SDK1: variants seen among roughly 807,000 people sequenced by gnomAD.
The protein encoded by SDK1 is sidekick cell adhesion molecule 1, also known as protein sidekick-1.
A neutral mutation model predicts 245.5 loss-of-function variants in SDK1; 157 were observed. That is an observed-to-expected ratio of 0.64 (90% confidence interval 0.56 to 0.73). SDK1 has a LOEUF of 0.73. SDK1 is among the 30% of genes least tolerant of loss of function. The pLI, the probability that SDK1 is intolerant of heterozygous loss-of-function variation, is 0.00. For synonymous variants in SDK1, 1,647 were observed against 1,278.5 expected, an observed-to-expected ratio of 1.29 and a Z score of -6.15; for missense variants, 3,583 against 3,002.3, an observed-to-expected ratio of 1.19 and a Z score of -4.52.
chr7:3,707,408 A>G (rs1222960146), intron 4 of SDK1, among the ~76,000 whole-genome samples: 1 of 152,230 alleles, frequency 6.6e-6, no homozygotes, highest in East Asian at 1.9e-4. Flanking sequence ...TTCTGATCAG[A>G]GAAAATACTT....
chr7:4,134,021 C>G (rs1265951256), intron 28 of SDK1, among the ~76,000 whole-genome samples: 1 of 152,162 alleles, frequency 6.6e-6, no homozygotes, highest in Non-Finnish European at 1.5e-5. Flanking sequence ...GGAATTCATC[C>G]AAGGTCTTTG....
At chr7:3,833,030 C>G (rs1215308849) in intron 5 of SDK1, among the ~76,000 whole-genome samples, 1 of 152,022 alleles carries the variant, frequency 6.6e-6, no homozygotes, top group African/African-American at 2.4e-5. Flanking sequence ...AAAATGTGAG[C>G]TGGGAATTCC....
At chr7:3,557,515 G>A (rs1177789554) in intron 1 of SDK1, among the ~76,000 whole-genome samples, 1 of 152,158 alleles carries the variant, frequency 6.6e-6, no homozygotes, top group African/African-American at 2.4e-5. Flanking sequence ...TGTGGTGATG[G>A]ACACAGGAAC....
chr7:3,563,635 T>C (rs958983901), intron 1 of SDK1, among the ~76,000 whole-genome samples: 2 of 152,158 alleles, frequency 1.3e-5, no homozygotes, highest in Non-Finnish European at 1.5e-5. Context: ...TCTCAGAAAT[T>C]AGTAAATCCT....
intron 1 of SDK1, among the ~76,000 whole-genome samples, chr7:3,377,502 A>G (rs888204643): frequency 2.0e-5 from 3 of 152,074 alleles, no homozygotes; most frequent in Non-Finnish European, 2.9e-5. Context: ...CCACACTGCT[A>G]TCATAAGCAG....
Position 4,268,047 on chromosome 7 carries a change from C to G in SDK1, c.*2663C>G. ...GAAGATGGAGGTTGGATTTTAATCT[C>G]GGTTTTAAAAAGAGGACAAACAAAA... On this transcript the variant is annotated 3_prime_UTR_variant, in exon 45 of 45. Transcript: ENST00000404826. 1.0e-6 allele frequency: 1 copy of G among 985,358 alleles called. No homozygotes were observed. The highest frequency in any genetic ancestry group is 1.2e-6 in the Non-Finnish European group (1 of 829,852). 61.0% of individuals were successfully genotyped at this position (985,358 alleles called of 1,614,324 possible).
intron 40 of SDK1, among the ~76,000 whole-genome samples, chr7:4,228,924 C>T (rs956848252): frequency 6.6e-6 from 1 of 152,190 alleles, no homozygotes; most frequent in Non-Finnish European, 1.5e-5. Flanking sequence ...AGAGCTGACC[C>T]TAGCCTGGGT....
chr7:4,210,193 C>G, intron 38 of SDK1, 31 bp downstream of exon 38: 1 of 1,500,518 alleles, frequency 6.7e-7, no homozygotes, highest in Non-Finnish European at 8.9e-7. Context: ...GATGGGAGCG[C>G]GGGCCACACC....
chr7:3,403,849 A>ATT (rs1278386876), intron 1 of SDK1, among the ~76,000 whole-genome samples: 1 of 97,868 alleles, frequency 1.0e-5, no homozygotes, highest in Non-Finnish European at 1.9e-5. Flanking sequence ...ATATATATAT[A>ATT]TATATATATA....
intron 4 of SDK1, among the ~76,000 whole-genome samples, chr7:3,681,839 A>G (rs1433702769): frequency 6.6e-6 from 1 of 152,214 alleles, no homozygotes; most frequent in African/African-American, 2.4e-5. Context: ...ACAGAGGTAT[A>G]ACATTTTTTT....
rs373425805 is a variant in SDK1, at chr7:3,859,785, C to G, written c.847+38202C>G. 1.9e-4 allele frequency among the ~76,000 whole-genome samples: 29 copies of G among 152,338 alleles called. 1 individual carries two copies. The highest frequency in any genetic ancestry group is 5.8e-4 in the African/African-American group (24 of 41,576). On this transcript the variant is annotated intron_variant, in intron 5 of 44. Coordinates refer to ENST00000404826, the MANE Select transcript of SDK1 (RefSeq NM_152744.4). Reference sequence around the variant, plus strand: ...CACCACACCTGTGTCACTCACGTCACACTTCTCCAGATCCATTGCAAATAG... The same window carrying G: ...CACCACACCTGTGTCACTCACGTCAGACTTCTCCAGATCCATTGCAAATAG...
chr7:3,419,615 G>C (rs1346604643), intron 1 of SDK1, among the ~76,000 whole-genome samples: 2 of 152,088 alleles, frequency 1.3e-5, no homozygotes, highest in Non-Finnish European at 2.9e-5. Context: ...TTTGAATGCT[G>C]GTCAGGTATC....
intron 1 of SDK1, among the ~76,000 whole-genome samples, chr7:3,501,004 C>T (rs1188457545): frequency 6.6e-6 from 1 of 152,140 alleles, no homozygotes; most frequent in East Asian, 1.9e-4. Flanking sequence ...GAAGTTTTCT[C>T]TGCATACTTT....
chr7:4,156,075 TGCCTGTGCTATTA>T (rs1227749721), intron 30 of SDK1, among the ~76,000 whole-genome samples: 1 of 152,176 alleles, frequency 6.6e-6, no homozygotes, highest in East Asian at 1.9e-4. Flanking sequence ...AGTTTCACGA[TGCCTGTGCTATTA>T]GCCCAGGTAA....
intron 13 of SDK1, 174 bp downstream of exon 13, chr7:3,974,719 T>A (rs1782772784): frequency 7.0e-6 from 4 of 573,904 alleles, no homozygotes; most frequent in Admixed American, 3.3e-5. Context: ...TTTTGTGGTT[T>A]CTTTCAACTT....
chr7:3,437,426 T>A (rs1780061154), intron 1 of SDK1, among the ~76,000 whole-genome samples: 1 of 152,092 alleles, frequency 6.6e-6, no homozygotes, highest in Non-Finnish European at 1.5e-5. Context: ...TAAAAAAAGA[T>A]GTGAAAATTT....
chr7:4,046,704 A>C (rs1789038337), intron 17 of SDK1, among the ~76,000 whole-genome samples: 1 of 152,230 alleles, frequency 6.6e-6, no homozygotes, highest in Non-Finnish European at 1.5e-5. Flanking sequence ...TCTTGAAATC[A>C]TACAGTAAAG....
rs571345223 is a variant in SDK1, at chr7:3,696,177, T to G, written c.713+54072T>G. 9.9e-5 allele frequency among the ~76,000 whole-genome samples: 15 copies of G among 152,280 alleles called. No individual in the cohort carries two copies. In the South Asian group the frequency reaches 2.9e-3, roughly 30 times the overall value. On this transcript the variant is annotated intron_variant, in intron 4 of 44. Transcript: ENST00000404826. ...CTCCTAGAGATGATGTCCTGCCAAC[T>G]TAAATCTTATTGCCACTCTCTCCAC... is the stretch of plus-strand genomic sequence containing the variant.
chr7:3,809,183 G>A (rs1044798448), intron 4 of SDK1, among the ~76,000 whole-genome samples: 4 of 152,110 alleles, frequency 2.6e-5, no homozygotes, highest in Non-Finnish European at 4.4e-5. Context: ...CGCGCTACAT[G>A]GCGAGAGCAG....
Sources: gnomAD v4.1 joint callset for allele counts (sites outside exome capture counted in the v4.1 genomes callset) on GRCh38, gnomAD v4.1.1 for gene constraint, MANE v1.5 for transcripts, NCBI Gene and HGNC (gene_info 2026-07-23, HGNC 2026-07-21) for gene names.